Variants in CDYL2 observed in about 807,000 individuals in gnomAD.
CDYL2 encodes the protein chromodomain Y like 2.
CDYL2 carries 23 observed loss-of-function variants against 49.4 expected under a neutral mutation model. The observed-to-expected ratio is 0.47, with a 90% CI of 0.34 to 0.66. The LOEUF (loss-of-function observed/expected upper bound fraction) is 0.66. Among genes scored for constraint, CDYL2 ranks in the 30% least tolerant of loss-of-function variants. CDYL2 has a pLI of 0.01. For missense variants in CDYL2, 678 were observed against 656.4 expected (o/e 1.03, Z -0.36); for synonymous variants, 360 against 268.8 (o/e 1.34, Z -3.32).
chr16:80,629,389 G>T (rs903471765), intron 3 of CDYL2, among the ~76,000 whole-genome samples: 4 of 152,218 alleles, frequency 2.6e-5, no homozygotes, highest in African/African-American at 9.6e-5. Context: ...GAATAAAGGT[G>T]AACCGGCCTT....
chr16:80,661,996 C>T (rs111749292), intron 2 of CDYL2, among the ~76,000 whole-genome samples: 10 of 152,194 alleles, frequency 6.6e-5, no homozygotes, highest in Non-Finnish European at 1.0e-4. Context: ...ACATACCCCA[C>T]GCCAAATTCT....
At chr16:80,790,485 C>G (rs1385889347) in intron 1 of CDYL2, among the ~76,000 whole-genome samples, 2 of 152,190 alleles carry the variant, frequency 1.3e-5, no homozygotes, top group Non-Finnish European at 2.9e-5. Context: ...CTCCCTTCCT[C>G]TTTCTATTAA....
At chr16:80,767,146 G>C (rs1442518303) in intron 1 of CDYL2, among the ~76,000 whole-genome samples, 1 of 152,044 alleles carries the variant, frequency 6.6e-6, no homozygotes, top group East Asian at 1.9e-4. Context: ...GTGACAAATA[G>C]AAGAACATCA....
intron 1 of CDYL2, among the ~76,000 whole-genome samples, chr16:80,749,724 A>T (rs966628501): frequency 2.0e-5 from 3 of 151,982 alleles, no homozygotes; most frequent in South Asian, 2.1e-4. Flanking sequence ...TTATATGAAA[A>T]TTTTTTTAAA....
At position 80,612,487 on chromosome 16, in the gene CDYL2, G is replaced by T. The variant is rs1019633020; in HGVS notation, c.1218+139C>A. ...CGGGCTACTCCATCTGGCACTGAAG[G>T]TGTGAAGGACATGAGGCAGCCAAGC... On this transcript the variant is annotated intron_variant, in intron 5 of 6. Coordinates refer to ENST00000570137, the MANE Select transcript of CDYL2 (RefSeq NM_152342.4). The surrounding 1 kb of genome is among the most constrained non-coding windows in gnomAD (Gnocchi z 5.0). 1.5e-5 allele frequency: 11 copies of T among 746,804 alleles called. No homozygotes were observed. The highest frequency in any genetic ancestry group is 4.0e-4 in the Middle Eastern group (1 of 2,520). The allele number at this position is 746,804 out of a possible 1,614,324, so 46.3% of individuals were successfully genotyped here.
chr16:80,698,633 G>C (rs573166617), intron 1 of CDYL2, among the ~76,000 whole-genome samples: 1 of 152,142 alleles, frequency 6.6e-6, no homozygotes, highest in Admixed American at 6.5e-5. Context: ...TCCTCCCTTG[G>C]TACTGTATAG....
chr16:80,752,443 T>C (rs1906169127), intron 1 of CDYL2, among the ~76,000 whole-genome samples: 1 of 152,116 alleles, frequency 6.6e-6, no homozygotes, highest in Non-Finnish European at 1.5e-5. Context: ...AATTAAATGG[T>C]ACCTAGAAAC....
At chr16:80,677,931 G>A (rs1909821272) in intron 2 of CDYL2, among the ~76,000 whole-genome samples, 3 of 151,668 alleles carry the variant, frequency 2.0e-5, no homozygotes, top group Admixed American at 2.0e-4. Flanking sequence ...CAATGGAACA[G>A]AACAGAGCCC....
At chr16:80,755,405 C>A (rs951069710) in intron 1 of CDYL2, among the ~76,000 whole-genome samples, 2 of 152,162 alleles carry the variant, frequency 1.3e-5, no homozygotes, top group African/African-American at 4.8e-5. Flanking sequence ...ATACTCGGCA[C>A]TTCACAGTTT....
At chr16:80,648,305 A>T (rs1908439835) in intron 2 of CDYL2, among the ~76,000 whole-genome samples, 1 of 152,170 alleles carries the variant, frequency 6.6e-6, no homozygotes, top group South Asian at 2.1e-4. Context: ...AATAACAGAG[A>T]TGAAAATGGA....
rs1219244386 is a variant in CDYL2, at chr16:80,633,227, A to G, written c.626T>C (p.Leu209Pro). ...TLAENGLGSA[L>P]TNGGLNLHSP... ...GTGCAGGTTCAATCCCCCGTTGGTC[A>G]GAGCAGAGCCTTCCAAAACCAGATA... The change falls in exon 3 of 7, where the codon CTG becomes CCG. Residue 209 changes from leucine to proline, a missense_variant. Transcript: ENST00000570137. 2.5e-6 allele frequency: 4 copies of G among 1,612,636 alleles called. No homozygotes were observed. Among genetic ancestry groups the G allele is most frequent in the Non-Finnish European group, 3.4e-6 (4 of 1,178,770 alleles).
At chr16:80,631,885 G>A (rs1473666061) in intron 3 of CDYL2, among the ~76,000 whole-genome samples, 8 of 152,132 alleles carry the variant, frequency 5.3e-5, no homozygotes, top group Admixed American at 2.0e-4. Context: ...AAAGACAGAC[G>A]TAACAAGTGT....
chr16:80,659,681 G>C (rs1412051938), intron 2 of CDYL2, among the ~76,000 whole-genome samples: 1 of 151,764 alleles, frequency 6.6e-6, no homozygotes, highest in African/African-American at 2.4e-5. Context: ...AAAAAAACTG[G>C]TTAATCAGAA....
intron 1 of CDYL2, among the ~76,000 whole-genome samples, chr16:80,761,220 G>T (rs1567598295): frequency 6.6e-6 from 1 of 152,158 alleles, no homozygotes; most frequent in South Asian, 2.1e-4. Context: ...AAGCCCGCCA[G>T]GGGATTCTGG....
Position 80,670,653 on chromosome 16 carries a change from T to C in CDYL2, c.616+13885A>G, listed in dbSNP as rs528351020. Among the ~76,000 whole-genome samples, 5 of 152,292 alleles carry C rather than the reference T, an allele frequency of 3.3e-5. No homozygotes were observed. The South Asian group carries it at 6.2e-4, about 19-fold the overall frequency. ...GCCCTCAGAGAACCCCGGGGCTCCGTGGACGGCAACGTCTTAATGACACGA... is the reference window on the plus strand; with the variant it reads ...GCCCTCAGAGAACCCCGGGGCTCCGCGGACGGCAACGTCTTAATGACACGA... On this transcript the variant is annotated intron_variant, in intron 2 of 6. Transcript: ENST00000570137.
At chr16:80,637,592 G>C (rs530852003) in intron 2 of CDYL2, among the ~76,000 whole-genome samples, 75 of 152,192 alleles carry the variant, frequency 4.9e-4, no homozygotes, top group East Asian at 1.9e-4. Context: ...CAGAATACAA[G>C]GTTAACAGAC....
intron 1 of CDYL2, among the ~76,000 whole-genome samples, chr16:80,717,701 C>A (rs1904858299): frequency 6.6e-6 from 1 of 152,190 alleles, no homozygotes; most frequent in African/African-American, 2.4e-5. Context: ...GACAAGGCCC[C>A]TGTCCTTGGG....
intron 1 of CDYL2, among the ~76,000 whole-genome samples, chr16:80,769,561 A>T (rs954469803): frequency 3.3e-5 from 5 of 152,190 alleles, no homozygotes; most frequent in South Asian, 4.1e-4. Flanking sequence ...GTCACCATGA[A>T]CATAGGGAGG....
intron 2 of CDYL2, among the ~76,000 whole-genome samples, chr16:80,674,736 G>A (rs1274687144): frequency 6.6e-6 from 1 of 152,184 alleles, no homozygotes; most frequent in Non-Finnish European, 1.5e-5. Context: ...GTTCATCCAC[G>A]TTGCCGCATA....
Sources: gnomAD v4.1 joint callset for allele counts (sites outside exome capture counted in the v4.1 genomes callset) on GRCh38, gnomAD v4.1.1 for gene constraint, Gnocchi (gnomAD v3.1) non-coding constraint, MANE v1.5 for transcripts, NCBI Gene and HGNC (gene_info 2026-07-23, HGNC 2026-07-21) for gene names.